The following NME7 variants were observed in gnomAD, a reference collection of about 807,000 sequenced individuals.
The protein encoded by NME7 is nucleoside diphosphate kinase 7.
A neutral mutation model predicts 49.1 loss-of-function variants in NME7; 41 were observed. The ratio of observed to expected loss-of-function variants is 0.83; its 90% CI spans 0.65 to 1.08. The LOEUF (loss-of-function observed/expected upper bound fraction) is 1.08, where lower values mean the gene tolerates loss of function less well. Ranked by LOEUF, NME7 falls within the 50% of genes least tolerant of loss-of-function variation. NME7 has a pLI of 0.00. For synonymous variants in NME7, 139 were observed against 150.6 expected (o/e 0.92, Z 0.56); for missense variants, 423 against 463.4 (o/e 0.91, Z 0.80).
At chr1:169,235,596 C>G (rs146996423) in intron 8 of NME7, among the ~76,000 whole-genome samples, 140 of 152,166 alleles carry the variant, frequency 9.2e-4, no homozygotes, top group African/African-American at 3.2e-3. Context: ...TGAATAAAAC[C>G]TCATTCTTGA....
intron 7 of NME7, among the ~76,000 whole-genome samples, chr1:169,265,624 C>T (rs12760335): frequency 0.09 from 11,664 of 129,440 alleles, 3,099 homozygotes; most frequent in East Asian, 0.76. Flanking sequence ...CAAGAAATAA[C>T]CAAAATCAAG....
intron 7 of NME7, among the ~76,000 whole-genome samples, chr1:169,241,701 C>T (rs1315538930): frequency 6.6e-6 from 1 of 151,488 alleles, no homozygotes; most frequent in Admixed American, 6.6e-5. Context: ...AGAATAAGTT[C>T]CTACAACTAA....
chr1:169,241,027 G>A (rs1296325228), intron 7 of NME7, among the ~76,000 whole-genome samples: 1 of 151,990 alleles, frequency 6.6e-6, no homozygotes, highest in African/African-American at 2.4e-5. Context: ...AGTAAAAATG[G>A]TATTCCATAA....
intron 2 of NME7, among the ~76,000 whole-genome samples, 190 bp downstream of exon 2, chr1:169,324,203 A>C (rs1651964874): frequency 6.6e-6 from 1 of 152,144 alleles, no homozygotes; most frequent in African/African-American, 2.4e-5. Context: ...TATTTTTGAC[A>C]TTAAAAATAA....
intron 10 of NME7, among the ~76,000 whole-genome samples, chr1:169,178,134 C>T (rs1659815352): frequency 6.6e-6 from 1 of 152,098 alleles, no homozygotes. Flanking sequence ...CCACCGTGCC[C>T]AGCCTCTCCT....
intron 1 of NME7, among the ~76,000 whole-genome samples, chr1:169,355,137 A>ATATAATATATTGTATATT (rs1653376340): frequency 2.6e-5 from 1 of 38,386 alleles, no homozygotes; most frequent in African/African-American, 1.0e-4. Context: ...TTATAGATAT[A>ATATAATATATTGTATATT]ATATATAATA....
intron 1 of NME7, among the ~76,000 whole-genome samples, chr1:169,329,617 T>A (rs1234851526): frequency 6.6e-6 from 1 of 151,830 alleles, no homozygotes; most frequent in Non-Finnish European, 1.5e-5. Flanking sequence ...TTAGTGAGAT[T>A]GAAGACAGGT....
At chr1:169,254,468 G>C (rs1259223767) in intron 7 of NME7, among the ~76,000 whole-genome samples, 2 of 151,350 alleles carry the variant, frequency 1.3e-5, no homozygotes, top group Non-Finnish European at 2.9e-5. Flanking sequence ...TTCTTTATTA[G>C]TCTTGCTAGT....
chr1:169,186,036 C>T (rs191971600), intron 10 of NME7, among the ~76,000 whole-genome samples: 2 of 152,094 alleles, frequency 1.3e-5, no homozygotes, highest in African/African-American at 2.4e-5. Flanking sequence ...ATAAAATACA[C>T]ATATTTTTAA....
rs1231745083 is a variant in NME7, at chr1:169,321,234, G to C, written c.278+1883C>G. ...AATTAGCCAGGAATAGTGGTGCATG[G>C]CTGTAGTTCCAGCTACCTGGGAGGC... On this transcript the variant is annotated intron_variant, in intron 3 of 11. Transcript: ENST00000367811. 2.0e-5 allele frequency among the ~76,000 whole-genome samples: 3 copies of C among 152,196 alleles called. No individual in the cohort carries two copies. The East Asian group carries it at 5.8e-4, about 29-fold the overall frequency.
At chr1:169,151,307 G>A (rs1214215548) in intron 11 of NME7, among the ~76,000 whole-genome samples, 1 of 152,182 alleles carries the variant, frequency 6.6e-6, no homozygotes, top group Non-Finnish European at 1.5e-5. Flanking sequence ...AGGGGCAGCT[G>A]ATGAAATGAG....
chr1:169,341,160 C>T (rs1443404857), intron 1 of NME7, among the ~76,000 whole-genome samples: 1 of 152,210 alleles, frequency 6.6e-6, no homozygotes, highest in Non-Finnish European at 1.5e-5. Flanking sequence ...GTTTTGTGGG[C>T]TAGGCCTGGG....
chr1:169,348,964 C>T (rs956115331), intron 1 of NME7, among the ~76,000 whole-genome samples: 1 of 151,486 alleles, frequency 6.6e-6, no homozygotes, highest in East Asian at 1.9e-4. Context: ...AGGTTCTAGG[C>T]TAAATAGGTT....
intron 11 of NME7, among the ~76,000 whole-genome samples, chr1:169,167,854 C>T (rs1346472478): frequency 6.6e-6 from 1 of 152,058 alleles, no homozygotes; most frequent in Non-Finnish European, 1.5e-5. Context: ...ATAAAGGTGA[C>T]CAAAATGTTA....
rs956524185 is a variant in NME7 at position 169,263,295 on chromosome 1, T to C, written c.754+24008A>G. ...ACAGAAACAGAATTCAGAATGTGGA[T>C]AGGAATGAAGATCATCAAGATTCAG... On this transcript the variant is annotated intron_variant, in intron 7 of 11. Coordinates refer to ENST00000367811, the MANE Select transcript of NME7 (RefSeq NM_013330.5). Among the ~76,000 whole-genome samples the C allele has an allele frequency of 2.1e-4, 28 of 133,604 alleles. 3 individuals carry two copies. The highest frequency in any genetic ancestry group is 6.3e-4 in the African/African-American group (25 of 39,432). 87.6% of individuals were successfully genotyped at this position (133,604 alleles called of 152,430 possible).
chr1:169,219,832 C>T (rs937562046), intron 10 of NME7, among the ~76,000 whole-genome samples: 7 of 152,082 alleles, frequency 4.6e-5, no homozygotes, highest in Admixed American at 1.3e-4. Flanking sequence ...TAATAAATGC[C>T]TGAATTTATG....
At chr1:169,323,054 A>T in intron 3 of NME7, 63 bp downstream of exon 3, 1 of 1,344,496 alleles carries the variant, frequency 7.4e-7, no homozygotes, top group Middle Eastern at 2.0e-4. Flanking sequence ...CCCAGTCTTG[A>T]TTCAGATTGA....
chr1:169,306,905 G>A (rs10800429), intron 4 of NME7, among the ~76,000 whole-genome samples: 53,419 of 151,990 alleles, frequency 0.35, 10,495 homozygotes, highest in Non-Finnish European at 0.44. Context: ...CATAGTGACC[G>A]TCACTGAGAT....
chr1:169,304,585 A>C (rs1052976343), intron 4 of NME7, among the ~76,000 whole-genome samples: 2 of 152,200 alleles, frequency 1.3e-5, no homozygotes, highest in Admixed American at 1.3e-4. Context: ...AAAAAATCAA[A>C]ATTTTCTAGA....
Sources: allele counts gnomAD v4.1 joint callset (sites outside exome capture counted in the v4.1 genomes callset), GRCh38; gene constraint gnomAD v4.1.1; transcripts MANE v1.5; gene names NCBI Gene and HGNC (gene_info 2026-07-23, HGNC 2026-07-21).